The following AP2B1 variants were observed in gnomAD, a reference collection of about 807,000 sequenced individuals.
AP2B1 encodes adaptor related protein complex 2 subunit beta 1.
In AP2B1, 23 loss-of-function variants were observed where a neutral mutation model predicts 102.0. The ratio of observed to expected loss-of-function variants is 0.23; its 90% CI spans 0.16 to 0.32. AP2B1 has a LOEUF of 0.32. Ranked by LOEUF, AP2B1 falls within the 10% of genes least tolerant of loss-of-function variation. The probability of loss-of-function intolerance (pLI) is 1.00; values close to 1 mark genes in which losing one functional copy is unlikely to be tolerated. For missense variants in AP2B1, 541 were observed against 1,157.4 expected, an observed-to-expected ratio of 0.47 and a Z score of 7.73; for synonymous variants, 381 against 421.2, an observed-to-expected ratio of 0.90 and a Z score of 1.17.
chr17:35,724,947 C>T lies in AP2B1; in HGVS notation c.*1248C>T, dbSNP rs1485615744. On this transcript the variant is annotated 3_prime_UTR_variant, in exon 22 of 22. Coordinates refer to ENST00000610402, the MANE Select transcript of AP2B1 (RefSeq NM_001030006.2). ...GAATGAAGGTGTAGCCAGTGTTTCCCATATGCCCCTGGAGCCCCACTTATT... is the reference window on the plus strand; with the variant it reads ...GAATGAAGGTGTAGCCAGTGTTTCCTATATGCCCCTGGAGCCCCACTTATT... 1.3e-5 allele frequency: 2 copies of T among 152,244 alleles called. No individual in the cohort carries two copies. Among genetic ancestry groups the T allele is most frequent in the Non-Finnish European group, 2.9e-5 (2 of 68,066 alleles). The allele number at this position is 152,244 out of a possible 1,614,324, so 9.4% of individuals were successfully genotyped here.
intron 16 of AP2B1, among the ~76,000 whole-genome samples, chr17:35,673,774 A>G (rs1212272945): frequency 6.6e-6 from 1 of 152,234 alleles, no homozygotes. Flanking sequence ...TAGTAGATGC[A>G]GTTTCTTCCC....
chr17:35,626,310 G>T (rs1048399389), intron 6 of AP2B1, among the ~76,000 whole-genome samples: 1 of 152,036 alleles, frequency 6.6e-6, no homozygotes, highest in African/African-American at 2.4e-5. Flanking sequence ...AGACAAAGAG[G>T]ACTATAAAAC....
At chr17:35,654,877 G>C (rs1304077838) in intron 13 of AP2B1, among the ~76,000 whole-genome samples, 18 of 148,978 alleles carry the variant, frequency 1.2e-4, no homozygotes, top group Admixed American at 1.2e-3. Flanking sequence ...CCTGACCTTT[G>C]CACGGTCAGG....
chr17:35,594,669 C>T (rs934570993), intron 2 of AP2B1, among the ~76,000 whole-genome samples: 3 of 152,260 alleles, frequency 2.0e-5, no homozygotes, highest in Middle Eastern at 3.4e-3. Context: ...CCATGTTCTT[C>T]GTCTAGATGT....
chr17:35,707,153 T>A (rs1215717620), intron 18 of AP2B1, among the ~76,000 whole-genome samples: 2 of 151,846 alleles, frequency 1.3e-5, no homozygotes, highest in Non-Finnish European at 2.9e-5. Context: ...GTTGTTGTTG[T>A]TGTTTTGTTT....
intron 2 of AP2B1, among the ~76,000 whole-genome samples, chr17:35,594,803 C>G (rs2073211462): frequency 6.6e-6 from 1 of 152,082 alleles, no homozygotes; most frequent in Non-Finnish European, 1.5e-5. Flanking sequence ...TTGTTTTTAC[C>G]TATGAGTTTG....
intron 5 of AP2B1, among the ~76,000 whole-genome samples, chr17:35,613,802 G>T (rs1317705025): frequency 6.6e-6 from 1 of 152,192 alleles, no homozygotes; most frequent in African/African-American, 2.4e-5. Flanking sequence ...TTTAATATTT[G>T]TATGGACTAT....
chr17:35,657,863 C>A, intron 14 of AP2B1, 72 bp downstream of exon 14: 1 of 1,425,426 alleles, frequency 7.0e-7, no homozygotes, highest in Non-Finnish European at 9.6e-7. Flanking sequence ...TTAAATTATT[C>A]AGCTTTTTAG....
At chr17:35,637,931 C>T (rs1480469153) in intron 10 of AP2B1, among the ~76,000 whole-genome samples, 1 of 152,124 alleles carries the variant, frequency 6.6e-6, no homozygotes, top group Admixed American at 6.5e-5. Flanking sequence ...GTGATCCCCC[C>T]CACCTCGCCC....
intron 21 of AP2B1, 22 bp from the exon 22 acceptor site, chr17:35,723,603 C>T (rs1555593951): frequency 1.3e-6 from 2 of 1,548,490 alleles, no homozygotes; most frequent in Admixed American, 1.7e-5. Flanking sequence ...GCTAATCTTC[C>T]ATCTCCTTTT....
At position 35,717,225 on chromosome 17, in the gene AP2B1, A is replaced by G. The variant is rs150087874; in HGVS notation, c.2657A>G (p.Asn886Ser). The change falls in exon 21 of 22, where the codon AAT becomes AGT. Residue 886 changes from asparagine to serine, a missense_variant. Asn to Ser is a conservative substitution (Grantham distance 46). Around this residue, in one of 10 missense-constraint regions of AP2B1, gnomAD observed 117 missense variants for 206.7 expected, o/e 0.57. Transcript: ENST00000610402. ...GTTTCCAGCAAGTTGCAAAACAACA[A>G]TGTTTATACTATTGCCAAGAGGAAT... ...DTVSSKLQNN[N>S]VYTIAKRNVE... 1.8e-5 allele frequency: 29 copies of G among 1,614,064 alleles called. No individual in the cohort carries two copies. In the South Asian group the frequency reaches 2.4e-4, roughly 13 times the overall value.
rs949513977 is a variant in AP2B1 at position 35,647,113 on chromosome 17, A to G, written c.1537-3417A>G. On this transcript the variant is annotated intron_variant, in intron 12 of 21. Coordinates refer to ENST00000610402, the MANE Select transcript of AP2B1 (RefSeq NM_001030006.2). ...GATAAATGCAGTGTTTAATTATGTA[A>G]TAAAAACCATACTTTACAAATTCTA... Among the ~76,000 whole-genome samples the G allele has an allele frequency of 1.1e-4, 17 of 152,208 alleles. 1 individual carries two copies. The highest frequency in any genetic ancestry group is 4.1e-4 in the African/African-American group (17 of 41,464).
chr17:35,702,125 G>A (rs925682770), intron 18 of AP2B1, among the ~76,000 whole-genome samples: 8 of 152,180 alleles, frequency 5.3e-5, no homozygotes, highest in African/African-American at 1.9e-4. Flanking sequence ...TATGTGGCAT[G>A]GGGACAGGCA....
chr17:35,698,575 A>G (rs755176823), intron 18 of AP2B1, among the ~76,000 whole-genome samples: 15 of 152,182 alleles, frequency 9.9e-5, no homozygotes, highest in Middle Eastern at 3.2e-3. Context: ...GGCCTCCCAA[A>G]TTGCTGGGAT....
chr17:35,671,693 T>C, intron 15 of AP2B1, 61 bp from the exon 16 acceptor site: 1 of 1,539,058 alleles, frequency 6.5e-7, no homozygotes, highest in Non-Finnish European at 8.9e-7. Context: ...ATAGCAATAT[T>C]TTAAGGACTG....
At chr17:35,676,641 T>C (rs2075707884) in intron 17 of AP2B1, among the ~76,000 whole-genome samples, 1 of 152,230 alleles carries the variant, frequency 6.6e-6, no homozygotes, top group Admixed American at 6.5e-5. Context: ...ATGTTATTGC[T>C]AGGTTATATG....
chr17:35,712,651 T>C (rs1431230961), intron 20 of AP2B1, among the ~76,000 whole-genome samples: 1 of 151,520 alleles, frequency 6.6e-6, no homozygotes, highest in Non-Finnish European at 1.5e-5. Flanking sequence ...AAAATAAAAA[T>C]AAAACAAAGA....
At chr17:35,648,909 G>A (rs1451078831) in intron 12 of AP2B1, among the ~76,000 whole-genome samples, 1 of 151,988 alleles carries the variant, frequency 6.6e-6, no homozygotes, top group Non-Finnish European at 1.5e-5. Context: ...GATGTGGTAT[G>A]TTTGGTAATA....
At position 35,695,826 on chromosome 17, in the gene AP2B1, T is replaced by C. The variant is rs2076131124; in HGVS notation, c.2454+13002T>C. Among the ~76,000 whole-genome samples the C allele has an allele frequency of 2.6e-5, 4 of 152,214 alleles. No homozygotes were observed. In the South Asian group the frequency reaches 6.2e-4, roughly 24 times the overall value. On this transcript the variant is annotated intron_variant, in intron 18 of 21. Transcript: ENST00000610402. ...ATGATAGCTACACAGCTACATGTAC[T>C]GGCTGATATGCCCTTGGTTGCCGTT...
Sources: allele counts gnomAD v4.1 joint callset (sites outside exome capture counted in the v4.1 genomes callset), GRCh38; gene constraint gnomAD v4.1.1; regional missense constraint gnomAD v4.1.1; transcripts MANE v1.5; gene names NCBI Gene and HGNC (gene_info 2026-07-23, HGNC 2026-07-21).